GLMN: variants seen among roughly 807,000 people sequenced by gnomAD.
GLMN encodes the protein glomulin, FKBP associated protein.
In GLMN, 75 loss-of-function variants were observed where a neutral mutation model predicts 87.8. The observed-to-expected ratio is 0.85, with a 90% CI of 0.71 to 1.04. The LOEUF (loss-of-function observed/expected upper bound fraction) is 1.04, where lower values mean the gene tolerates loss of function less well. Ranked by LOEUF, GLMN falls within the 50% of genes least tolerant of loss-of-function variation. The probability of loss-of-function intolerance (pLI) is 0.00; values close to 1 mark genes in which losing one functional copy is unlikely to be tolerated. For missense variants in GLMN, 588 were observed against 658.8 expected (o/e 0.89, Z 1.18); for synonymous variants, 206 against 221.6 (o/e 0.93, Z 0.63).
chr1:92,270,549 G>A (rs1454423106), intron 8 of GLMN, among the ~76,000 whole-genome samples: 1 of 152,084 alleles, frequency 6.6e-6, no homozygotes, highest in Non-Finnish European at 1.5e-5. Context: ...ATTTACATAC[G>A]AATGTACTCC....
upstream of GLMN, among the ~76,000 whole-genome samples, chr1:92,302,634 C>G (rs1218743397): frequency 8.8e-6 from 1 of 113,556 alleles, no homozygotes; most frequent in Non-Finnish European, 1.7e-5. Flanking sequence ...CGGAGCCTCA[C>G]TCTGTCGCCC....
chr1:92,271,545 CTGTT>C lies in GLMN; in HGVS notation c.839_842del (p.Lys280SerfsTer2). ...CCAGAGAAGCCATTGAGTCTGCTAA[CTGTT>C]TATTTTCTTCTTCTTCAAATTCAAG... On this transcript the variant is annotated frameshift_variant, in exon 8 of 19. Coordinates refer to ENST00000370360, the MANE Select transcript of GLMN (RefSeq NM_053274.3). LOFTEE classifies it high-confidence loss of function. 6.2e-7 allele frequency: 1 copy of C among 1,611,916 alleles called. No homozygotes were observed. Among genetic ancestry groups the C allele is most frequent in the South Asian group, 1.1e-5 (1 of 91,030 alleles).
intron 7 of GLMN, among the ~76,000 whole-genome samples, chr1:92,282,331 T>C (rs548631879): frequency 3.4e-4 from 51 of 152,226 alleles, no homozygotes; most frequent in Admixed American, 9.2e-4. Context: ...CACTCAAAAC[T>C]GCACAACTAC....
At chr1:92,287,958 A>G (rs559062001) in intron 6 of GLMN, among the ~76,000 whole-genome samples, 8 of 152,202 alleles carry the variant, frequency 5.3e-5, no homozygotes, top group Admixed American at 4.6e-4. Context: ...GATGATTTTA[A>G]TAATTTATCT....
At chr1:92,296,737 G>A (rs1334422319) in intron 3 of GLMN, among the ~76,000 whole-genome samples, 2 of 152,166 alleles carry the variant, frequency 1.3e-5, no homozygotes, top group African/African-American at 4.8e-5. Context: ...TTTCCATTGT[G>A]GAGGATGATT....
At chr1:92,290,746 C>T (rs1416904958) in intron 4 of GLMN, among the ~76,000 whole-genome samples, 1 of 152,132 alleles carries the variant, frequency 6.6e-6, no homozygotes, top group Non-Finnish European at 1.5e-5. Flanking sequence ...TTAAAAGCTC[C>T]CAGCTCCCAT....
intron 7 of GLMN, among the ~76,000 whole-genome samples, chr1:92,273,746 G>A (rs941879784): frequency 5.9e-5 from 9 of 151,774 alleles, no homozygotes; most frequent in East Asian, 1.9e-4. Context: ...GGGAGCTACC[G>A]TGCCCAGCCT....
At chr1:92,297,743 T>C (rs1427816511) in intron 2 of GLMN, 2 of 630,994 alleles carry the variant, frequency 3.2e-6, no homozygotes, top group Admixed American at 3.0e-5. Flanking sequence ...GTGAAATCTA[T>C]GAAAAGGATC....
At chr1:92,283,669 G>T (rs1424868765) in intron 7 of GLMN, among the ~76,000 whole-genome samples, 1 of 152,172 alleles carries the variant, frequency 6.6e-6, no homozygotes, top group Non-Finnish European at 1.5e-5. Flanking sequence ...AGGAAAAGAG[G>T]AAGTCAAATT....
the GLMN span, chr1:92,320,709 T>C: frequency 6.6e-6 from 8 of 1,211,178 alleles, no homozygotes; most frequent in Non-Finnish European, 1.2e-6. Flanking sequence ...CCAGGTGATA[T>C]GAGCTCTTGG....
At chr1:92,290,079 G>A in intron 5 of GLMN, 119 bp downstream of exon 5, 1 of 711,776 alleles carries the variant, frequency 1.4e-6, no homozygotes, top group South Asian at 1.5e-5. Context: ...ATTGGTTTAA[G>A]CAGAGTACTC....
At chr1:92,294,998 T>C (rs1410813329) in intron 3 of GLMN, among the ~76,000 whole-genome samples, 2 of 152,230 alleles carry the variant, frequency 1.3e-5, no homozygotes, top group Non-Finnish European at 2.9e-5. Context: ...TTTTGAACAT[T>C]GTCTTATCAA....
At chr1:92,258,049 A>T (rs1194026116) in intron 16 of GLMN, among the ~76,000 whole-genome samples, 2 of 152,152 alleles carry the variant, frequency 1.3e-5, no homozygotes, top group African/African-American at 4.8e-5. Flanking sequence ...TCTACAAGGA[A>T]CTTAAACAAA....
In GLMN at chr1:92,289,082, G is replaced by T; in HGVS notation, c.464C>A (p.Ser155Tyr). Residue 155 changes from serine to tyrosine, a missense_variant, in exon 6 of 19, where the codon TCT becomes TAT. Ser to Tyr is a moderately radical substitution (Grantham distance 144). Coordinates refer to ENST00000370360, the MANE Select transcript of GLMN (RefSeq NM_053274.3). Reference protein sequence around the residue: ...LALSTLWNQLSLLPVPYSKEQ... With the variant: ...LALSTLWNQLYLLPVPYSKEQ... Reference sequence around the variant, plus strand: ...TTTTGAGTATGGAACAGGAAGAAGAGATAGCTGATTCCAAAGGGTAGACAA... The same window carrying T: ...TTTTGAGTATGGAACAGGAAGAAGATATAGCTGATTCCAAAGGGTAGACAA... The T allele has an allele frequency of 6.2e-7, 1 of 1,612,000 alleles. No homozygotes were observed. Among genetic ancestry groups the T allele is most frequent in the South Asian group, 1.1e-5 (1 of 91,036 alleles).
chr1:92,267,389 ATAAATT>A (rs1655753120), intron 11 of GLMN, among the ~76,000 whole-genome samples: 1 of 152,214 alleles, frequency 6.6e-6, no homozygotes, highest in Non-Finnish European at 1.5e-5. Context: ...TCGTGTTTAA[ATAAATT>A]AAAATTTAAA....
At chr1:92,274,515 T>C (rs954963147) in intron 7 of GLMN, among the ~76,000 whole-genome samples, 1 of 152,182 alleles carries the variant, frequency 6.6e-6, no homozygotes, top group South Asian at 2.1e-4. Flanking sequence ...TCTCATAATC[T>C]TTTTCTCTAC....
chr1:92,249,488 T>G (rs924640798), intron 16 of GLMN, among the ~76,000 whole-genome samples: 3 of 152,070 alleles, frequency 2.0e-5, no homozygotes, highest in African/African-American at 7.2e-5. Context: ...TACCTCTCTC[T>G]ATCCAGCCTT....
intron 2 of GLMN, 73 bp from the exon 3 acceptor site, chr1:92,297,602 T>C (rs1650265052): frequency 2.4e-6 from 3 of 1,245,984 alleles, no homozygotes; most frequent in African/African-American, 1.5e-5. Flanking sequence ...ATACAATAAC[T>C]TCTTGATTTA....
At chr1:92,339,287 T>A in the GLMN span, among the ~76,000 whole-genome samples, 1 of 152,042 alleles carries the variant, frequency 6.6e-6, no homozygotes, top group Non-Finnish European at 1.5e-5. Context: ...AGGGAGCCTT[T>A]AAAAATTGCC....
Sources: gnomAD v4.1 joint callset for allele counts (sites outside exome capture counted in the v4.1 genomes callset) on GRCh38, gnomAD v4.1.1 for gene constraint, MANE v1.5 for transcripts, NCBI Gene and HGNC (gene_info 2026-07-23, HGNC 2026-07-21) for gene names.